The following ARHGEF38 variants were observed in gnomAD, a reference collection of about 807,000 sequenced individuals.
The protein encoded by ARHGEF38 is Rho guanine nucleotide exchange factor 38.
Under a neutral mutation model 79.9 loss-of-function variants are expected in ARHGEF38, and 79 were observed. The ratio of observed to expected loss-of-function variants is 0.99; its 90% CI spans 0.82 to 1.19. The LOEUF (loss-of-function observed/expected upper bound fraction) is 1.19. Ranked by LOEUF, ARHGEF38 falls within the 50% of genes most tolerant of loss-of-function variation. The pLI is 0.00. For missense variants in ARHGEF38, 962 were observed against 907.2 expected (o/e 1.06, Z -0.78); for synonymous variants, 366 against 328.3 (o/e 1.11, Z -1.24).
intron 1 of ARHGEF38, among the ~76,000 whole-genome samples, chr4:105,578,795 T>C (rs1364321852): frequency 6.6e-6 from 1 of 152,216 alleles, no homozygotes; most frequent in Non-Finnish European, 1.5e-5. Flanking sequence ...ATATGAATCT[T>C]TACATTTTAG....
At chr4:105,642,443 A>G (rs1447098) in intron 5 of ARHGEF38, among the ~76,000 whole-genome samples, 49,358 of 152,086 alleles carry the variant, frequency 0.32, 11,008 homozygotes, top group African/African-American at 0.63. Context: ...ATAGAACTTT[A>G]ATCCCAAAGA....
At chr4:105,611,692 T>C (rs939700346) in intron 2 of ARHGEF38, among the ~76,000 whole-genome samples, 1 of 152,068 alleles carries the variant, frequency 6.6e-6, no homozygotes, top group Non-Finnish European at 1.5e-5. Context: ...AAAAACCACA[T>C]GTGCCATCTC....
chr4:105,554,356 G>A (rs530466539), intron 1 of ARHGEF38, among the ~76,000 whole-genome samples: 12 of 152,038 alleles, frequency 7.9e-5, no homozygotes, highest in Non-Finnish European at 1.3e-4. Flanking sequence ...GCCTCTGTCC[G>A]TTTCTCGCCA....
At chr4:105,643,874 T>G (rs1427537047) in intron 5 of ARHGEF38, among the ~76,000 whole-genome samples, 1 of 71,080 alleles carries the variant, frequency 1.4e-5, no homozygotes, top group East Asian at 2.5e-4. Flanking sequence ...CCTTCCTACT[T>G]TTTTTTTTTT....
intron 3 of ARHGEF38, among the ~76,000 whole-genome samples, chr4:105,621,845 A>G (rs1728746386): frequency 6.6e-6 from 1 of 152,186 alleles, no homozygotes; most frequent in Non-Finnish European, 1.5e-5. Context: ...ACTTGAATGT[A>G]TGAGGTCAGT....
chr4:105,677,032 C>T (rs536100805), intron 13 of ARHGEF38, among the ~76,000 whole-genome samples: 6 of 151,608 alleles, frequency 4.0e-5, no homozygotes, highest in Non-Finnish European at 7.4e-5. Context: ...GGCGCGATCT[C>T]GGCTCACTGC....
chr4:105,673,120 T>A (rs1268275551), intron 13 of ARHGEF38, among the ~76,000 whole-genome samples: 1 of 152,152 alleles, frequency 6.6e-6, no homozygotes, highest in Admixed American at 6.6e-5. Flanking sequence ...TCTCTTTACC[T>A]TTGCTATAGA....
rs1349661592 is a variant in ARHGEF38, at chr4:105,677,957, T to C, written c.*20T>C. 4.1e-6 allele frequency: 6 copies of C among 1,474,588 alleles called. No homozygotes were observed. The highest frequency in any genetic ancestry group is 5.4e-6 in the Non-Finnish European group (6 of 1,110,254). 91.3% of individuals were successfully genotyped at this position (1,474,588 alleles called of 1,614,324 possible). On this transcript the variant is annotated 3_prime_UTR_variant, in exon 14 of 14. Coordinates refer to ENST00000420470, the MANE Select transcript of ARHGEF38 (RefSeq NM_001242729.2). ...GCTTAAGAAAATAAGCCTTCAACTT[T>C]TATTTTCCAGCAAGTTGTTGATTGA... is the stretch of plus-strand genomic sequence containing the variant.
intron 5 of ARHGEF38, among the ~76,000 whole-genome samples, chr4:105,642,750 G>A (rs28447043): frequency 0.04 from 6,151 of 152,126 alleles, 364 homozygotes; most frequent in African/African-American, 0.13. Context: ...TTAAAAATAA[G>A]AGCATATATA....
chr4:105,624,591 G>A (rs549323886), intron 3 of ARHGEF38, among the ~76,000 whole-genome samples: 1 of 152,354 alleles, frequency 6.6e-6, no homozygotes, highest in East Asian at 1.9e-4. Flanking sequence ...AGGCAAGGGA[G>A]TGTGGCTTCT....
intron 1 of ARHGEF38, among the ~76,000 whole-genome samples, chr4:105,562,792 T>C (rs927865922): frequency 2.6e-5 from 4 of 152,014 alleles, no homozygotes; most frequent in African/African-American, 9.7e-5. Flanking sequence ...AATTCTGAAA[T>C]AGAGATTCGG....
chr4:105,675,850 T>C (rs1433803874), intron 13 of ARHGEF38, among the ~76,000 whole-genome samples: 1 of 152,182 alleles, frequency 6.6e-6, no homozygotes, highest in Non-Finnish European at 1.5e-5. Context: ...CTTTTGGGCT[T>C]CTTTTAAAGA....
chr4:105,618,826 C>T (rs1458461616), intron 3 of ARHGEF38, among the ~76,000 whole-genome samples: 1 of 152,094 alleles, frequency 6.6e-6, no homozygotes, highest in Non-Finnish European at 1.5e-5. Context: ...ATTGAGAAAC[C>T]TAGCAGAGGC....
At chr4:105,563,479 C>G (rs1327038826) in intron 1 of ARHGEF38, 1 of 152,196 alleles carries the variant, frequency 6.6e-6, no homozygotes. Flanking sequence ...ATGCTCTTAG[C>G]AACTTTGCAA....
At chr4:105,604,010 G>A (rs914290713) in intron 2 of ARHGEF38, among the ~76,000 whole-genome samples, 2 of 152,032 alleles carry the variant, frequency 1.3e-5, no homozygotes, top group African/African-American at 4.8e-5. Context: ...TATCTTCATG[G>A]GATTCCATGG....
At chr4:105,664,678 A>G (rs1051757196) in intron 10 of ARHGEF38, among the ~76,000 whole-genome samples, 2 of 152,220 alleles carry the variant, frequency 1.3e-5, no homozygotes, top group African/African-American at 4.8e-5. Context: ...ACTATTTACA[A>G]AAATGTGAGT....
chr4:105,674,683 C>T (rs962868649), intron 13 of ARHGEF38, among the ~76,000 whole-genome samples: 1 of 151,914 alleles, frequency 6.6e-6, no homozygotes, highest in Non-Finnish European at 1.5e-5. Flanking sequence ...AGTGCTCATC[C>T]TAAACAAATT....
At chr4:105,569,825 C>G (rs1048960551) in intron 1 of ARHGEF38, 2 of 152,312 alleles carry the variant, frequency 1.3e-5, no homozygotes, top group Admixed American at 1.3e-4. Flanking sequence ...AAATGCAAAA[C>G]AAACTCAGTA....
intron 3 of ARHGEF38, among the ~76,000 whole-genome samples, chr4:105,624,676 A>T (rs1728870394): frequency 6.6e-6 from 1 of 152,184 alleles, no homozygotes; most frequent in African/African-American, 2.4e-5. Flanking sequence ...GGAGAACAGA[A>T]TGAGGCTAGG....
Sources: allele counts gnomAD v4.1 joint callset (sites outside exome capture counted in the v4.1 genomes callset), GRCh38; gene constraint gnomAD v4.1.1; transcripts MANE v1.5; gene names NCBI Gene and HGNC (gene_info 2026-07-23, HGNC 2026-07-21).